Variants in SLC6A12 observed in about 807,000 individuals in gnomAD.
SLC6A12 encodes sodium- and chloride-dependent betaine transporter.
A neutral mutation model predicts 73.3 loss-of-function variants in SLC6A12; 50 were observed. That is an observed-to-expected ratio of 0.68 (90% CI 0.54 to 0.86). SLC6A12 has a LOEUF of 0.86. Ranked by LOEUF, SLC6A12 falls within the 40% of genes least tolerant of loss-of-function variation. The pLI, the probability that SLC6A12 is intolerant of heterozygous loss-of-function variation, is 0.00. For missense variants in SLC6A12, 648 were observed against 772.8 expected, an observed-to-expected ratio of 0.84 and a Z score of 1.92; for synonymous variants, 304 against 309.2, an observed-to-expected ratio of 0.98 and a Z score of 0.18.
chr12:187,617 A>C (rs1406547653), downstream of SLC6A12, among the ~76,000 whole-genome samples: 1,553 of 17,884 alleles, frequency 0.087, 72 homozygotes, highest in Non-Finnish European at 0.29. Flanking sequence ...AAAAAAAAAA[A>C]AAAAAAAAAA....
chr12:200,790 G>A lies in SLC6A12; in HGVS notation c.579-7C>T. The A allele has an allele frequency of 6.2e-7, 1 of 1,612,102 alleles. No individual in the cohort carries two copies. Among genetic ancestry groups the A allele is most frequent in the Non-Finnish European group, 8.5e-7 (1 of 1,179,420 alleles). ...GATGCCCAGAACTCGTCTCCTGGAGGATTGGGAAAAATAAGTAATGAGGGG... is the reference window on the plus strand; with the variant it reads ...GATGCCCAGAACTCGTCTCCTGGAGAATTGGGAAAAATAAGTAATGAGGGG... On this transcript the variant is annotated splice_polypyrimidine_tract_variant and splice_region_variant and intron_variant, in intron 6 of 15. Coordinates refer to ENST00000684302, the MANE Select transcript of SLC6A12 (RefSeq NM_001122848.3).
chr12:195,558 C>T (rs959830897), intron 12 of SLC6A12, among the ~76,000 whole-genome samples: 1 of 152,226 alleles, frequency 6.6e-6, no homozygotes, highest in Non-Finnish European at 1.5e-5. Flanking sequence ...CACATCATCT[C>T]GTCTGCCCAG....
In SLC6A12 at chr12:192,765, T is replaced by C. The variant is rs570170465; in HGVS notation, c.1531-117A>G. The C allele has an allele frequency of 1.3e-4, 126 of 945,002 alleles. 1 individual carries two copies. The highest frequency in any genetic ancestry group is 9.2e-4 in the South Asian group (60 of 65,510). The allele number at this position is 945,002 out of a possible 1,614,324, so 58.5% of individuals were successfully genotyped here. On this transcript the variant is annotated intron_variant, in intron 14 of 15. Coordinates refer to ENST00000684302, the MANE Select transcript of SLC6A12 (RefSeq NM_001122848.3). ...GGTGCACTGCAGCACGTCTGTAAGG[T>C]GGAAGAGTAAAAGCCCCTGCAAATC...
In SLC6A12 at chr12:198,103, C is replaced by T; in HGVS notation, c.847-100G>A. ...GTCCCCTGCAGCACCAGCCTGGCCC[C>T]TCAGTGCTCCCTGAGCGCTTCCCTC... is the stretch of plus-strand genomic sequence containing the variant. On this transcript the variant is annotated intron_variant, in intron 8 of 15. Transcript: ENST00000684302. This position sits in a 1 kb window ranked among gnomAD's most constrained non-coding sequence, Gnocchi z 4.0. 1.1e-6 allele frequency: 1 copy of T among 884,352 alleles called. No individual in the cohort carries two copies. The highest frequency in any genetic ancestry group is 1.8e-6 in the Non-Finnish European group (1 of 544,398). 54.8% of individuals were successfully genotyped at this position (884,352 alleles called of 1,614,324 possible).
rs758345561 is a variant in SLC6A12 at position 193,295 on chromosome 12, C to T, written c.1512G>A (p.Leu504=). ...WPLVKISWLF[L]TPGLCLATFL... ...CACATACCAGGCAAAGTCCAGGGGTCAGGAAGAGCCAGGAGATCTTCACCA... is the reference window on the plus strand; with the variant it reads ...CACATACCAGGCAAAGTCCAGGGGTTAGGAAGAGCCAGGAGATCTTCACCA... Residue 504 remains leucine, a synonymous_variant, in exon 14 of 16, where the codon CTG becomes CTA. Coordinates refer to ENST00000684302, the MANE Select transcript of SLC6A12 (RefSeq NM_001122848.3). 5 of 1,613,016 alleles carry T rather than the reference C, an allele frequency of 3.1e-6. No individual in the cohort carries two copies. The highest frequency in any genetic ancestry group is 3.4e-6 in the Non-Finnish European group (4 of 1,179,312).
chr12:196,940 G>C, intron 10 of SLC6A12, 58 bp from the exon 11 acceptor site: 1 of 1,211,950 alleles, frequency 8.3e-7, no homozygotes, highest in Non-Finnish European at 1.2e-6. Context: ...CCTTGGGGAA[G>C]AGGCGTCTCT....
the SLC6A12 span, among the ~76,000 whole-genome samples, chr12:184,459 T>C: frequency 3.3e-3 from 501 of 152,012 alleles, 2 homozygotes; most frequent in African/African-American, 9.9e-3. Context: ...ACCTCATCTC[T>C]ACTAAAAACA....
chr12:190,875 T>A lies in SLC6A12; in HGVS notation c.*193A>T. The A allele has an allele frequency of 2.5e-6, 1 of 404,250 alleles. No individual in the cohort carries two copies. The highest frequency in any genetic ancestry group is 4.3e-6 in the Non-Finnish European group (1 of 234,866). The allele number at this position is 404,250 out of a possible 1,614,324, so 25.0% of individuals were successfully genotyped here. A position where few individuals can be genotyped will look rare whatever the true frequency, so the allele number is the denominator to read the frequency against. On this transcript the variant is annotated 3_prime_UTR_variant, in exon 16 of 16. Coordinates refer to ENST00000684302, the MANE Select transcript of SLC6A12 (RefSeq NM_001122848.3). Reference sequence around the variant, plus strand: ...ATGGCACGTCCCAGTGGTGGTGTTATCAGCAAAGGGGAAGGAGCTGCTCCA... The same window carrying A: ...ATGGCACGTCCCAGTGGTGGTGTTAACAGCAAAGGGGAAGGAGCTGCTCCA...
chr12:201,740 G>A (rs1184849772), intron 6 of SLC6A12, 22 bp downstream of exon 6: 1 of 1,591,462 alleles, frequency 6.3e-7, no homozygotes, highest in South Asian at 1.1e-5. Context: ...CTTCATATGT[G>A]GCAAATGGGC....
rs1396790065 is a variant in SLC6A12 at position 198,241 on chromosome 12, T to C, written c.847-238A>G. Among the ~76,000 whole-genome samples the C allele has an allele frequency of 1.3e-5, 2 of 152,210 alleles. No individual in the cohort carries two copies. Among genetic ancestry groups the C allele is most frequent in the Non-Finnish European group, 2.9e-5 (2 of 68,042 alleles). ...GCACTTAGTGAGTACCAAATACATG[T>C]GTGTTGCTTGGATTTCTCCAGGGGA... On this transcript the variant is annotated intron_variant, in intron 8 of 15. Coordinates refer to ENST00000684302, the MANE Select transcript of SLC6A12 (RefSeq NM_001122848.3). This position sits in a 1 kb window ranked among gnomAD's most constrained non-coding sequence, Gnocchi z 4.0.
chr12:187,506 C>T (rs1225294575), downstream of SLC6A12, among the ~76,000 whole-genome samples: 1 of 145,714 alleles, frequency 6.9e-6, no homozygotes, highest in Non-Finnish European at 1.5e-5. Flanking sequence ...AGTAAACCTG[C>T]AGATTTTCCC....
chr12:197,049 T>TCATC (rs1170569077), intron 10 of SLC6A12, among the ~76,000 whole-genome samples, 167 bp from the exon 11 acceptor site: 1 of 668 alleles, frequency 1.5e-3, no homozygotes, highest in Non-Finnish European at 3.2e-3. Context: ...AGCATACCAT[T>TCATC]CATCCATCCA....
downstream of SLC6A12, among the ~76,000 whole-genome samples, chr12:189,075 A>G (rs560312393): frequency 9.5e-4 from 145 of 152,306 alleles, 1 homozygote; most frequent in Admixed American, 8.9e-3. Flanking sequence ...GTCCGCAGAG[A>G]GCGAGGCTTG....
rs541914886 is a variant in SLC6A12 at position 198,077 on chromosome 12, C to T, written c.847-74G>A. 21 of 1,211,110 alleles carry T rather than the reference C, an allele frequency of 1.7e-5. No homozygotes were observed. The highest frequency in any genetic ancestry group is 1.9e-4 in the Middle Eastern group (1 of 5,236). 75.0% of individuals were successfully genotyped at this position (1,211,110 alleles called of 1,614,324 possible). ...GCCAGGGTGACCCGAGATCCAGACCCGTCCCCTGCAGCACCAGCCTGGCCC... is the reference window on the plus strand; with the variant it reads ...GCCAGGGTGACCCGAGATCCAGACCTGTCCCCTGCAGCACCAGCCTGGCCC... On this transcript the variant is annotated intron_variant, in intron 8 of 15. Transcript: ENST00000684302. The surrounding 1 kb of genome is among the most constrained non-coding windows in gnomAD (Gnocchi z 4.0).
At position 198,770 on chromosome 12, in the gene SLC6A12, G is replaced by C. The variant is rs1303605048; in HGVS notation, c.846+27C>G. Reference sequence around the variant, plus strand: ...CCTGGCTGGGTGGGGAAGGCACCTGGGGAAGTGGTCCCAGCACGGTACATA... The same window carrying C: ...CCTGGCTGGGTGGGGAAGGCACCTGCGGAAGTGGTCCCAGCACGGTACATA... On this transcript the variant is annotated intron_variant, in intron 8 of 15. Coordinates refer to ENST00000684302, the MANE Select transcript of SLC6A12 (RefSeq NM_001122848.3). This position sits in a 1 kb window ranked among gnomAD's most constrained non-coding sequence, Gnocchi z 4.0. 6.2e-7 allele frequency: 1 copy of C among 1,609,350 alleles called. No homozygotes were observed. The highest frequency in any genetic ancestry group is 1.3e-5 in the African/African-American group (1 of 74,844).
At chr12:200,282 G>A (rs572048370) in intron 7 of SLC6A12, among the ~76,000 whole-genome samples, 36 of 150,740 alleles carry the variant, frequency 2.4e-4, no homozygotes, top group Non-Finnish European at 2.8e-4. Context: ...CTAATTTTTT[G>A]TATTTTTAGT....
chr12:204,799 C>T, intron 3 of SLC6A12, 101 bp from the exon 4 acceptor site: 6 of 1,361,564 alleles, frequency 4.4e-6, no homozygotes, highest in Non-Finnish European at 6.1e-6. Context: ...CTCCACCATC[C>T]TGTTCTTAAT....
chr12:198,197 T>A lies in SLC6A12; in HGVS notation c.847-194A>T, dbSNP rs1161170457. 1.3e-5 allele frequency among the ~76,000 whole-genome samples: 2 copies of A among 152,180 alleles called. No homozygotes were observed. Among genetic ancestry groups the A allele is most frequent in the African/African-American group, 4.8e-5 (2 of 41,448 alleles). Reference sequence around the variant, plus strand: ...TGATCTCCTCCCCAGTGCGGCCCAGTTTCGGTTTGGTTCTGTAGGCACTTA... The same window carrying A: ...TGATCTCCTCCCCAGTGCGGCCCAGATTCGGTTTGGTTCTGTAGGCACTTA... On this transcript the variant is annotated intron_variant, in intron 8 of 15. Coordinates refer to ENST00000684302, the MANE Select transcript of SLC6A12 (RefSeq NM_001122848.3). The surrounding 1 kb of genome is among the most constrained non-coding windows in gnomAD (Gnocchi z 4.0).
Position 209,602 on chromosome 12 carries a change from G to A in SLC6A12, c.214+171C>T, listed in dbSNP as rs1192174966. On this transcript the variant is annotated intron_variant, in intron 3 of 15. Coordinates refer to ENST00000684302, the MANE Select transcript of SLC6A12 (RefSeq NM_001122848.3). Reference sequence around the variant, plus strand: ...TGGGAGGTATTGTCCCCATTTCACAGAGAGGGACGCTGAGGCTAGTAGTGG... The same window carrying A: ...TGGGAGGTATTGTCCCCATTTCACAAAGAGGGACGCTGAGGCTAGTAGTGG... 4 of 666,724 alleles carry A rather than the reference G, an allele frequency of 6.0e-6. No homozygotes were observed. The East Asian group carries it at 1.1e-4, about 18-fold the overall frequency. The allele number at this position is 666,724 out of a possible 1,614,324, so 41.3% of individuals were successfully genotyped here.
Sources: allele counts gnomAD v4.1 joint callset (sites outside exome capture counted in the v4.1 genomes callset), GRCh38; gene constraint gnomAD v4.1.1; non-coding constraint Gnocchi (gnomAD v3.1); transcripts MANE v1.5; gene names NCBI Gene and HGNC (gene_info 2026-07-23, HGNC 2026-07-21).